TNFSF4: variants seen among roughly 807,000 people sequenced by gnomAD.
The protein encoded by TNFSF4 is tumor necrosis factor ligand superfamily member 4.
In TNFSF4, 4 loss-of-function variants were observed where a neutral mutation model predicts 7.3. The observed-to-expected ratio is 0.55, with a 90% confidence interval of 0.27 to 1.25. TNFSF4 has a LOEUF of 1.25. Among genes scored for constraint, TNFSF4 ranks in the 50% most tolerant of loss-of-function variants. The probability of loss-of-function intolerance (pLI) is 0.12; values close to 1 mark genes in which losing one functional copy is unlikely to be tolerated. For synonymous variants in TNFSF4, 76 were observed against 83.7 expected (o/e 0.91, Z 0.50); for missense variants, 181 against 208.8 (o/e 0.87, Z 0.82).
rs182714919 is a variant in TNFSF4, at chr1:173,191,135, A to G, written c.154-2566T>C. On this transcript the variant is annotated intron_variant, in intron 1 of 2. Coordinates refer to ENST00000281834, the MANE Select transcript of TNFSF4 (RefSeq NM_003326.5). The stretch of plus-strand genomic sequence containing the variant: ...ATCCTGCAACTTAAGGAATGTTCCA[A>G]CTTTTTGAGGTGCCCTGATGAAGTA... 1.6e-3 allele frequency among the ~76,000 whole-genome samples: 237 copies of G among 152,250 alleles called. 1 individual carries two copies. Among genetic ancestry groups the G allele is most frequent in the Admixed American group, 4.6e-3 (70 of 15,290 alleles).
At chr1:173,382,902 AC>A in the TNFSF4 span, among the ~76,000 whole-genome samples, 781 of 151,826 alleles carry the variant, frequency 5.1e-3, 7 homozygotes, top group Middle Eastern at 0.021. Flanking sequence ...ACACACACAC[AC>A]ACACACAAAG....
the TNFSF4 span, among the ~76,000 whole-genome samples, chr1:173,273,059 T>A: frequency 6.6e-6 from 1 of 152,142 alleles, no homozygotes; most frequent in Non-Finnish European, 1.5e-5. Context: ...GAATCATCAG[T>A]CTTCCTCAAT....
chr1:173,230,956 G>A, the TNFSF4 span, among the ~76,000 whole-genome samples: 9 of 152,108 alleles, frequency 5.9e-5, no homozygotes, highest in Non-Finnish European at 7.3e-5. Context: ...ATAATCAATA[G>A]CCTACCAACC....
the TNFSF4 span, chr1:173,418,401 G>A: frequency 2.0e-5 from 3 of 152,298 alleles, no homozygotes; most frequent in South Asian, 6.2e-4. Context: ...TTACATCCCG[G>A]AAACCCCCTG....
chr1:173,262,167 T>C, the TNFSF4 span, among the ~76,000 whole-genome samples: 1 of 152,238 alleles, frequency 6.6e-6, no homozygotes, highest in Non-Finnish European at 1.5e-5. Context: ...GATACAAGGC[T>C]GGTTCAACAT....
the TNFSF4 span, among the ~76,000 whole-genome samples, chr1:173,425,462 A>G: frequency 2.0e-5 from 3 of 152,200 alleles, no homozygotes; most frequent in Non-Finnish European, 4.4e-5. Flanking sequence ...GTGGAAATGG[A>G]ATCCCCAGGA....
chr1:173,380,590 GCAT>G, the TNFSF4 span, among the ~76,000 whole-genome samples: 1 of 151,996 alleles, frequency 6.6e-6, no homozygotes, highest in African/African-American at 2.4e-5. Flanking sequence ...CATACTACCT[GCAT>G]GACCATTCAC....
the TNFSF4 span, among the ~76,000 whole-genome samples, chr1:173,358,794 A>C: frequency 2.0e-5 from 3 of 152,248 alleles, no homozygotes; most frequent in African/African-American, 7.2e-5. Context: ...TGTTGAAAGA[A>C]GCCAGACAGA....
At chr1:173,246,058 A>G in the TNFSF4 span, among the ~76,000 whole-genome samples, 1 of 152,234 alleles carries the variant, frequency 6.6e-6, no homozygotes, top group African/African-American at 2.4e-5. Flanking sequence ...GGGAATTTCA[A>G]ATACTGACTA....
At chr1:173,350,590 C>T in the TNFSF4 span, among the ~76,000 whole-genome samples, 4 of 152,328 alleles carry the variant, frequency 2.6e-5, no homozygotes, top group South Asian at 2.1e-4. Context: ...AAGAGCTTAA[C>T]AGAACAAAGG....
chr1:173,274,155 T>A, the TNFSF4 span, among the ~76,000 whole-genome samples: 8 of 103,862 alleles, frequency 7.7e-5, no homozygotes, highest in Middle Eastern at 4.2e-3. Context: ...ACACACACAC[T>A]CTGTATATAC....
At chr1:173,416,879 G>A in the TNFSF4 span, among the ~76,000 whole-genome samples, 1 of 152,122 alleles carries the variant, frequency 6.6e-6, no homozygotes, top group African/African-American at 2.4e-5. Flanking sequence ...TTACAGTTGT[G>A]AGCCATTGTG....
chr1:173,447,607 G>T, the TNFSF4 span, among the ~76,000 whole-genome samples: 2 of 151,524 alleles, frequency 1.3e-5, no homozygotes, highest in Non-Finnish European at 2.9e-5. Context: ...TTTTAGAAGT[G>T]AAAAAAATAC....
the TNFSF4 span, among the ~76,000 whole-genome samples, chr1:173,384,034 T>C: frequency 6.6e-6 from 1 of 152,228 alleles, no homozygotes; most frequent in East Asian, 1.9e-4. Flanking sequence ...GGTGTGGGGA[T>C]ATTAGCCACT....
chr1:173,186,512 C>A lies in TNFSF4; in HGVS notation c.*4G>T, dbSNP rs764161943. ...GCCTGGTTTTAGATATTGCCATCAG[C>A]CCCTCAAAGGACACAGAATTCACCA... On this transcript the variant is annotated 3_prime_UTR_variant, in exon 3 of 3. Coordinates refer to ENST00000281834, the MANE Select transcript of TNFSF4 (RefSeq NM_003326.5). 1.2e-6 allele frequency: 2 copies of A among 1,603,438 alleles called. No individual in the cohort carries two copies. Among genetic ancestry groups the A allele is most frequent in the Non-Finnish European group, 1.7e-6 (2 of 1,173,234 alleles).
At chr1:173,273,699 A>C in the TNFSF4 span, among the ~76,000 whole-genome samples, 3 of 152,108 alleles carry the variant, frequency 2.0e-5, no homozygotes, top group Non-Finnish European at 4.4e-5. Context: ...AATATTCATA[A>C]CTATGTACAT....
the TNFSF4 span, among the ~76,000 whole-genome samples, chr1:173,334,153 T>C: frequency 6.6e-6 from 1 of 152,180 alleles, no homozygotes; most frequent in Non-Finnish European, 1.5e-5. Context: ...TTCGTGTTCT[T>C]AATTGGTTGT....
chr1:173,224,013 G>C, the TNFSF4 span, among the ~76,000 whole-genome samples: 5 of 152,190 alleles, frequency 3.3e-5, no homozygotes, highest in Non-Finnish European at 5.9e-5. Flanking sequence ...AAAGCCCCCA[G>C]GTGATTTCCT....
chr1:173,324,068 A>T, the TNFSF4 span, among the ~76,000 whole-genome samples: 1 of 152,216 alleles, frequency 6.6e-6, no homozygotes, highest in Non-Finnish European at 1.5e-5. Context: ...TGTCGGATTC[A>T]CCAAAGTTGA....
Sources: gnomAD v4.1 joint callset for allele counts (sites outside exome capture counted in the v4.1 genomes callset) on GRCh38, gnomAD v4.1.1 for gene constraint, MANE v1.5 for transcripts, NCBI Gene and HGNC (gene_info 2026-07-23, HGNC 2026-07-21) for gene names.